CFH: variants seen among roughly 807,000 people sequenced by gnomAD.
CFH encodes complement factor H, also known as H factor 1 (complement).
A neutral mutation model predicts 147.3 loss-of-function variants in CFH; 53 were observed. The observed-to-expected ratio is 0.36, with a 90% CI of 0.29 to 0.45. The LOEUF is 0.45. Among genes scored for constraint, CFH ranks in the 20% least tolerant of loss-of-function variants. CFH has a pLI of 1.00. For synonymous variants in CFH, 536 were observed against 489.4 expected (o/e 1.10, Z -1.26); for missense variants, 1,380 against 1,498.0 (o/e 0.92, Z 1.30).
chr1:196,722,467 C>T (rs773628118), intron 11 of CFH, among the ~76,000 whole-genome samples: 3 of 152,030 alleles, frequency 2.0e-5, no homozygotes, highest in Middle Eastern at 3.2e-3. Flanking sequence ...GTTAGTCTTA[C>T]GAGATTTCCG....
intron 20 of CFH, among the ~76,000 whole-genome samples, chr1:196,744,254 G>A (rs1286388795): frequency 1.3e-5 from 2 of 151,618 alleles, no homozygotes; most frequent in African/African-American, 4.8e-5. Context: ...ATATAGTTGG[G>A]TCATGTTTAC....
At chr1:196,691,835 C>T (rs34202669) in intron 9 of CFH, among the ~76,000 whole-genome samples, 1,795 of 152,042 alleles carry the variant, frequency 0.012, 49 homozygotes, top group South Asian at 0.093. Context: ...CATAGAGCCA[C>T]TATACTATTC....
intron 1 of CFH, among the ~76,000 whole-genome samples, chr1:196,666,768 G>A (rs532014216): frequency 5.4e-5 from 8 of 148,590 alleles, no homozygotes; most frequent in African/African-American, 1.7e-4. Context: ...CTGAGATTGG[G>A]CACTCCAGCA....
At chr1:196,699,694 T>C (rs1226167376) in intron 9 of CFH, among the ~76,000 whole-genome samples, 2 of 152,214 alleles carry the variant, frequency 1.3e-5, no homozygotes, top group Non-Finnish European at 2.9e-5. Flanking sequence ...TAGAGGGTTA[T>C]TATTTTGCAT....
chr1:196,714,249 A>G (rs1668792944), intron 10 of CFH, among the ~76,000 whole-genome samples: 1 of 151,968 alleles, frequency 6.6e-6, no homozygotes, highest in Admixed American at 6.6e-5. Flanking sequence ...TTAGACTTTT[A>G]CATCAAATTC....
chr1:196,731,952 A>G (rs920715502), intron 15 of CFH, among the ~76,000 whole-genome samples: 5 of 151,900 alleles, frequency 3.3e-5, no homozygotes, highest in Non-Finnish European at 7.4e-5. Context: ...TGATTGTGTT[A>G]TGTCTTAAAG....
At chr1:196,694,467 G>A (rs1668180298) in intron 9 of CFH, among the ~76,000 whole-genome samples, 1 of 152,194 alleles carries the variant, frequency 6.6e-6, no homozygotes, top group Non-Finnish European at 1.5e-5. Context: ...ATAAACATAT[G>A]TGTGCATGTG....
At chr1:196,657,110 G>A (rs1042131881) in intron 1 of CFH, among the ~76,000 whole-genome samples, 1 of 151,926 alleles carries the variant, frequency 6.6e-6, no homozygotes, top group Non-Finnish European at 1.5e-5. Context: ...TCCTGCCTCA[G>A]CCTCCCACAC....
intron 9 of CFH, among the ~76,000 whole-genome samples, chr1:196,707,929 G>T (rs1213722332): frequency 2.0e-5 from 3 of 151,976 alleles, no homozygotes; most frequent in African/African-American, 7.3e-5. Context: ...TATTTACTTG[G>T]TCATTATAAT....
chr1:196,718,447 AC>A (rs1668923628), intron 11 of CFH, among the ~76,000 whole-genome samples: 1 of 152,050 alleles, frequency 6.6e-6, no homozygotes, highest in East Asian at 1.9e-4. Flanking sequence ...GAAGAACTTG[AC>A]CTTTTTAATA....
chr1:196,743,855 C>G (rs2149116876), intron 20 of CFH, among the ~76,000 whole-genome samples: 1 of 152,116 alleles, frequency 6.6e-6, no homozygotes, highest in Middle Eastern at 3.4e-3. Context: ...AAAAACAATA[C>G]TTTTTAAGCA....
At chr1:196,711,125 A>G (rs1210165252) in intron 9 of CFH, among the ~76,000 whole-genome samples, 1 of 152,146 alleles carries the variant, frequency 6.6e-6, no homozygotes, top group African/African-American at 2.4e-5. Context: ...GAGATCTAAA[A>G]TAACAAGCTT....
chr1:196,715,321 T>C lies in CFH; in HGVS notation c.1520-272T>C, dbSNP rs538646380. Among the ~76,000 whole-genome samples the C allele has an allele frequency of 3.3e-5, 5 of 152,204 alleles. No homozygotes were observed. The South Asian group carries it at 1.0e-3, about 32-fold the overall frequency. On this transcript the variant is annotated intron_variant, in intron 10 of 21. Coordinates refer to ENST00000367429, the MANE Select transcript of CFH (RefSeq NM_000186.4). ...GCCTGTTTTATTACTAGCATTGTCA[T>C]AAATGCTTTAGTATAAATGAATTAA...
At chr1:196,692,256 G>A (rs1417203216) in intron 9 of CFH, 1 of 174,184 alleles carries the variant, frequency 5.7e-6, no homozygotes, top group Non-Finnish European at 1.1e-5. Context: ...TAATAAGTAT[G>A]GATATGACTT....
Position 196,743,324 on chromosome 1 carries a change from C to T in CFH, c.3134-128C>T, listed in dbSNP as rs1382928251. 13 of 1,377,858 alleles carry T rather than the reference C, an allele frequency of 9.4e-6. No homozygotes were observed. In the Admixed American group the frequency reaches 2.4e-4, roughly 26 times the overall value. 85.4% of individuals were successfully genotyped at this position (1,377,858 alleles called of 1,614,324 possible). On this transcript the variant is annotated intron_variant, in intron 19 of 21. Transcript: ENST00000367429. ...ATATTACATTTAAATTTATTAAAAT[C>T]AACAAAATATTTGATGAGATTGTCT...
chr1:196,684,607 A>G (rs1413232912), intron 6 of CFH, among the ~76,000 whole-genome samples: 1 of 152,002 alleles, frequency 6.6e-6, no homozygotes, highest in Non-Finnish European at 1.5e-5. Flanking sequence ...TATTACTTCC[A>G]CTTTTATTAT....
At chr1:196,679,503 T>C in intron 5 of CFH, 120 bp from the exon 6 acceptor site, 1 of 710,464 alleles carries the variant, frequency 1.4e-6, no homozygotes, top group East Asian at 2.7e-5. Flanking sequence ...AAAACAGAAC[T>C]TTTGTTTGGT....
chr1:196,666,480 T>C (rs1667089905), intron 1 of CFH, among the ~76,000 whole-genome samples: 3 of 151,936 alleles, frequency 2.0e-5, no homozygotes, highest in Non-Finnish European at 4.4e-5. Flanking sequence ...TTTCTTTAAC[T>C]CATGAGTTAT....
intron 1 of CFH, among the ~76,000 whole-genome samples, chr1:196,668,136 CTATT>C (rs1179549057): frequency 6.6e-6 from 1 of 151,912 alleles, no homozygotes; most frequent in African/African-American, 2.4e-5. Context: ...ATTTACTCTT[CTATT>C]TATTTTCTTC....
Sources: allele counts gnomAD v4.1 joint callset (sites outside exome capture counted in the v4.1 genomes callset), GRCh38; gene constraint gnomAD v4.1.1; transcripts MANE v1.5; gene names NCBI Gene and HGNC (gene_info 2026-07-23, HGNC 2026-07-21).